The following F8 variants were observed in gnomAD, a reference collection of about 807,000 sequenced individuals.
F8 encodes the protein coagulation factor VIII.
In F8, 12 loss-of-function variants were observed where a neutral mutation model predicts 140.6. That is an observed-to-expected ratio of 0.09 (90% CI 0.05 to 0.14). The LOEUF (loss-of-function observed/expected upper bound fraction) is 0.14. Ranked by LOEUF, F8 falls within the 10% of genes least tolerant of loss-of-function variation. The probability of loss-of-function intolerance (pLI) is 1.00; values close to 1 mark genes in which losing one functional copy is unlikely to be tolerated. For missense variants in F8, 1,354 were observed against 1,720.7 expected (o/e 0.79, Z 3.77); for synonymous variants, 585 against 614.6 (o/e 0.95, Z 0.71).
chrX:154,970,521 C>T (rs2073450924), intron 6 of F8, among the ~76,000 whole-genome samples: 3 of 111,814 alleles, frequency 2.7e-5, no homozygotes, highest in Admixed American at 1.9e-4. Flanking sequence ...ATTCTCCCCT[C>T]TAAGACTTTT....
intron 13 of F8, among the ~76,000 whole-genome samples, chrX:154,945,591 C>T (rs782564774): frequency 1.8e-5 from 2 of 111,747 alleles, no homozygotes; most frequent in Non-Finnish European, 3.8e-5. Context: ...GAAAGCTTAC[C>T]TCAAAACAAT....
chrX:154,910,562 A>G (rs2073060934), intron 14 of F8, among the ~76,000 whole-genome samples: 1 of 111,839 alleles, frequency 8.9e-6, no homozygotes, highest in Admixed American at 9.4e-5. Flanking sequence ...TTAAAGTATA[A>G]TAATAATAAT....
At chrX:154,944,892 C>T (rs2124077658) in intron 13 of F8, among the ~76,000 whole-genome samples, 1 of 110,679 alleles carries the variant, frequency 9.0e-6, no homozygotes, top group East Asian at 2.8e-4. Context: ...AATTGGAAAT[C>T]ATCATTCTCA....
At chrX:155,008,017 A>T (rs781786296) in intron 1 of F8, among the ~76,000 whole-genome samples, 1 of 111,039 alleles carries the variant, frequency 9.0e-6, no homozygotes, top group East Asian at 2.9e-4. Context: ...CCACTATCTG[A>T]AATCTTACAG....
At chrX:154,970,975 T>A (rs1431445296) in intron 6 of F8, among the ~76,000 whole-genome samples, 2 of 111,626 alleles carry the variant, frequency 1.8e-5, no homozygotes, top group Non-Finnish European at 1.9e-5. Context: ...ATTATGCATG[T>A]TTATTATCAA....
intron 12 of F8, 55 bp from the exon 13 acceptor site, chrX:154,947,962 G>A (rs2073315880): frequency 1.1e-6 from 1 of 911,383 alleles, no homozygotes; most frequent in African/African-American, 2.0e-5. Flanking sequence ...TAGTATTTTG[G>A]ATTGTGATTG....
In F8 at chrX:154,837,546, G is replaced by A. The variant is rs782223586; in HGVS notation, c.*51C>T. 6.0e-6 allele frequency: 7 copies of A among 1,169,620 alleles called. 1 individual carries two copies. The South Asian group carries it at 1.3e-4, about 22-fold the overall frequency. The stretch of plus-strand genomic sequence containing the variant: ...CAAGCCAGGGAGGGACACTGCCCTG[G>A]AGCTGAGGAGGGAGAGGTGACGGCA... On this transcript the variant is annotated 3_prime_UTR_variant, in exon 26 of 26. Coordinates refer to ENST00000360256, the MANE Select transcript of F8 (RefSeq NM_000132.4).
At chrX:154,894,438 G>A (rs1247228655) in intron 22 of F8, among the ~76,000 whole-genome samples, 3 of 111,794 alleles carry the variant, frequency 2.7e-5, no homozygotes, top group Non-Finnish European at 5.6e-5. Flanking sequence ...CGTGTAAGAA[G>A]TCCAACTACA....
intron 4 of F8, 113 bp downstream of exon 4, chrX:154,992,823 G>A (rs1171314701): frequency 2.9e-6 from 2 of 701,072 alleles, no homozygotes; most frequent in Non-Finnish European, 4.5e-6. Context: ...TGATGCTAGA[G>A]TAAAAAAGCC....
chrX:154,982,406 C>A (rs1444300651), intron 6 of F8, among the ~76,000 whole-genome samples: 17 of 98,457 alleles, frequency 1.7e-4, no homozygotes, highest in Non-Finnish European at 3.2e-4. Context: ...TGAGATTGCG[C>A]CACTGCACTC....
At chrX:154,845,224 G>A (rs1284393078) in intron 25 of F8, among the ~76,000 whole-genome samples, 1 of 111,839 alleles carries the variant, frequency 8.9e-6, no homozygotes, top group Non-Finnish European at 1.9e-5. Flanking sequence ...TTGCATCAAT[G>A]TTCATCAGGG....
At chrX:154,959,234 A>T (rs1267738348) in intron 10 of F8, among the ~76,000 whole-genome samples, 4 of 110,554 alleles carry the variant, frequency 3.6e-5, no homozygotes, top group Admixed American at 9.6e-5. Context: ...ATAATAAAAA[A>T]AATTAGCTGG....
At position 154,901,527 on chromosome X, in the gene F8, T is replaced by C; in HGVS notation, c.6116-85A>G. ...GTAAGTCAATGAAAATGGGAGAACG[T>C]CAACAAATGCTATTTTTTAGTGTTT... On this transcript the variant is annotated intron_variant, in intron 19 of 25. Transcript: ENST00000360256. 6.2e-6 allele frequency: 4 copies of C among 641,845 alleles called. No individual in the cohort carries two copies. In the East Asian group the frequency reaches 1.3e-4, roughly 21 times the overall value. The allele number at this position is 641,845 out of a possible 1,213,427, so 52.9% of individuals were successfully genotyped here. A position where few individuals can be genotyped will look rare whatever the true frequency, so the allele number is the denominator to read the frequency against.
chrX:154,894,813 T>G (rs2072970615), intron 22 of F8, among the ~76,000 whole-genome samples: 1 of 106,421 alleles, frequency 9.4e-6, no homozygotes. Context: ...CATGTAAAGT[T>G]ACATCAGTCA....
chrX:154,986,283 G>A (rs1310177960), intron 5 of F8, among the ~76,000 whole-genome samples: 4 of 111,692 alleles, frequency 3.6e-5, no homozygotes, highest in African/African-American at 6.5e-5. Flanking sequence ...CCTTGAAATT[G>A]AATTATTTTA....
At chrX:154,846,160 G>A (rs1192654169) in intron 25 of F8, among the ~76,000 whole-genome samples, 1 of 112,183 alleles carries the variant, frequency 8.9e-6, no homozygotes, top group East Asian at 2.8e-4. Context: ...CTGAGAGACA[G>A]TTTGTTATAA....
intron 13 of F8, among the ~76,000 whole-genome samples, chrX:154,941,632 T>C (rs1256631751): frequency 4.6e-4 from 50 of 109,537 alleles, no homozygotes; most frequent in Admixed American, 1.7e-3. Flanking sequence ...ACAAGGATAC[T>C]CAGGAATTGA....
intron 9 of F8, among the ~76,000 whole-genome samples, chrX:154,964,351 T>G (rs1198200525): frequency 8.9e-6 from 1 of 112,011 alleles, no homozygotes; most frequent in Admixed American, 9.5e-5. Context: ...AAAATAAAAT[T>G]ATACAATCTT....
intron 13 of F8, among the ~76,000 whole-genome samples, chrX:154,934,504 A>T (rs2073213784): frequency 9.0e-6 from 1 of 111,362 alleles, no homozygotes; most frequent in South Asian, 3.8e-4. Context: ...GTTTTACTGG[A>T]CTCCTTTCAA....
Sources: gnomAD v4.1 joint callset for allele counts (sites outside exome capture counted in the v4.1 genomes callset) on GRCh38, gnomAD v4.1.1 for gene constraint, MANE v1.5 for transcripts, NCBI Gene and HGNC (gene_info 2026-07-23, HGNC 2026-07-21) for gene names.